SDK1: variants seen among roughly 807,000 people sequenced by gnomAD.
The protein encoded by SDK1 is protein sidekick-1.
A neutral mutation model predicts 245.5 loss-of-function variants in SDK1; 157 were observed. The ratio of observed to expected loss-of-function variants is 0.64; its 90% CI spans 0.56 to 0.73. The LOEUF is 0.73. Ranked by LOEUF, SDK1 falls within the 30% of genes least tolerant of loss-of-function variation. The probability of loss-of-function intolerance (pLI) is 0.00; values close to 1 mark genes in which losing one functional copy is unlikely to be tolerated. For synonymous variants in SDK1, 1,647 were observed against 1,278.5 expected, an observed-to-expected ratio of 1.29 and a Z score of -6.15; for missense variants, 3,583 against 3,002.3, an observed-to-expected ratio of 1.19 and a Z score of -4.52.
At position 4,149,473 on chromosome 7, in the gene SDK1, G is replaced by C; in HGVS notation, c.4625+10G>C. On this transcript the variant is annotated intron_variant, in intron 30 of 44. Transcript: ENST00000404826. The stretch of plus-strand genomic sequence containing the variant: ...CATGCGTCGTTGACAGGTACTGAGA[G>C]AGCAGGAGCACCTCCCCGGGGAACG... The C allele has an allele frequency of 6.9e-7, 1 of 1,452,184 alleles. No individual in the cohort carries two copies. The highest frequency in any genetic ancestry group is 9.1e-7 in the Non-Finnish European group (1 of 1,097,992). The allele number at this position is 1,452,184 out of a possible 1,614,324, so 90.0% of individuals were successfully genotyped here. A position where few individuals can be genotyped will look rare whatever the true frequency, so the allele number is the denominator to read the frequency against.
At chr7:4,192,392 C>T (rs997473574) in intron 35 of SDK1, among the ~76,000 whole-genome samples, 5 of 152,218 alleles carry the variant, frequency 3.3e-5, no homozygotes, top group Non-Finnish European at 7.3e-5. Context: ...TCTCCTGCCT[C>T]AGCCTCCCAA....
chr7:4,050,113 A>G (rs183363877), intron 18 of SDK1, among the ~76,000 whole-genome samples: 89 of 152,328 alleles, frequency 5.8e-4, no homozygotes, highest in African/African-American at 2.1e-3. Context: ...GATTTTAGCT[A>G]CAATAGGTCC....
chr7:3,706,562 C>T lies in SDK1; in HGVS notation c.713+64457C>T, dbSNP rs142190392. ...GACTACAGGTGCCCGCCACCACACC[C>T]GGCTAATTTTTTTGTATTTTTAGTA... On this transcript the variant is annotated intron_variant, in intron 4 of 44. Coordinates refer to ENST00000404826, the MANE Select transcript of SDK1 (RefSeq NM_152744.4). Among the ~76,000 whole-genome samples, 717 of 152,228 alleles carry T rather than the reference C, an allele frequency of 4.7e-3. 6 individuals are homozygous for T. The highest frequency in any genetic ancestry group is 0.014 in the South Asian group (70 of 4,830).
At chr7:4,210,587 A>G (rs553253312) in intron 38 of SDK1, among the ~76,000 whole-genome samples, 1 of 152,170 alleles carries the variant, frequency 6.6e-6, no homozygotes, top group East Asian at 1.9e-4. Context: ...TCAGCATCCT[A>G]GGAGGGATGC....
intron 4 of SDK1, among the ~76,000 whole-genome samples, chr7:3,716,191 A>G (rs1785197739): frequency 2.6e-5 from 4 of 151,900 alleles, no homozygotes; most frequent in Non-Finnish European, 5.9e-5. Flanking sequence ...TTGGAGTTCT[A>G]GTAGGAGATG....
chr7:3,780,850 C>G (rs999155167), intron 4 of SDK1, among the ~76,000 whole-genome samples: 1 of 152,202 alleles, frequency 6.6e-6, no homozygotes, highest in East Asian at 1.9e-4. Flanking sequence ...AATGACCCCA[C>G]CCTAGCCAGG....
At chr7:3,507,976 C>T (rs1469996109) in intron 1 of SDK1, among the ~76,000 whole-genome samples, 1 of 152,186 alleles carries the variant, frequency 6.6e-6, no homozygotes, top group African/African-American at 2.4e-5. Flanking sequence ...ACACTGCTGA[C>T]TGTCCTGGAA....
At position 4,118,895 on chromosome 7, in the gene SDK1, G is replaced by A. The variant is rs190246461; in HGVS notation, c.3823+4621G>A. The stretch of plus-strand genomic sequence containing the variant: ...ATAGGCAAATCTAGAGAGGCAGAAA[G>A]TAAATTCATGGTTTCCTAGACTAAG... On this transcript the variant is annotated intron_variant, in intron 25 of 44. Coordinates refer to ENST00000404826, the MANE Select transcript of SDK1 (RefSeq NM_152744.4). Among the ~76,000 whole-genome samples the A allele has an allele frequency of 4.6e-4, 69 of 148,728 alleles. 6 individuals carry two copies. Among genetic ancestry groups the A allele is most frequent in the Non-Finnish European group, 8.9e-4 (59 of 66,636 alleles).
At chr7:4,236,824 G>T (rs2128236893) in intron 41 of SDK1, among the ~76,000 whole-genome samples, 1 of 152,204 alleles carries the variant, frequency 6.6e-6, no homozygotes, top group Non-Finnish European at 1.5e-5. Context: ...CTGTTTTGGG[G>T]GGTGTCCCAG....
rs559532994 is a variant in SDK1, at chr7:3,824,291, A to T, written c.847+2708A>T. Among the ~76,000 whole-genome samples, 11 of 152,336 alleles carry T rather than the reference A, an allele frequency of 7.2e-5. No homozygotes were observed. The South Asian group carries it at 2.1e-3, about 29-fold the overall frequency. On this transcript the variant is annotated intron_variant, in intron 5 of 44. Coordinates refer to ENST00000404826, the MANE Select transcript of SDK1 (RefSeq NM_152744.4). ...GGCTTTTGTGGAAACACCACACAAG[A>T]TTGAGGAAAATTTGTAAAAACTTTC...
intron 1 of SDK1, among the ~76,000 whole-genome samples, chr7:3,374,246 A>G (rs1781298791): frequency 6.6e-6 from 1 of 151,938 alleles, no homozygotes; most frequent in South Asian, 2.1e-4. Context: ...GAGCAATACC[A>G]CCCCACTTAA....
intron 4 of SDK1, among the ~76,000 whole-genome samples, chr7:3,709,938 C>T (rs550206764): frequency 6.6e-6 from 1 of 152,192 alleles, no homozygotes; most frequent in African/African-American, 2.4e-5. Context: ...AAGCACGTGC[C>T]AGGTGCCCCG....
intron 11 of SDK1, among the ~76,000 whole-genome samples, chr7:3,970,243 A>G (rs1327142658): frequency 1.3e-5 from 2 of 152,210 alleles, no homozygotes; most frequent in East Asian, 3.8e-4. Flanking sequence ...TTGAAACGTT[A>G]TTCTTCCAGA....
At chr7:4,253,836 A>G (rs2128241513) in intron 44 of SDK1, among the ~76,000 whole-genome samples, 1 of 152,282 alleles carries the variant, frequency 6.6e-6, no homozygotes, top group South Asian at 2.1e-4. Context: ...TCTTCTTGAT[A>G]TATTTACCAT....
At chr7:3,950,062 A>G (rs965437906) in intron 5 of SDK1, among the ~76,000 whole-genome samples, 1 of 152,272 alleles carries the variant, frequency 6.6e-6, no homozygotes. Flanking sequence ...TAAATCAATA[A>G]AAGAAAAATA....
intron 5 of SDK1, among the ~76,000 whole-genome samples, chr7:3,940,985 T>A (rs905737398): frequency 4.0e-5 from 6 of 151,738 alleles, no homozygotes; most frequent in Non-Finnish European, 7.4e-5. Context: ...CGCAGGCACG[T>A]CTTAGGAAGC....
chr7:3,987,900 C>T (rs529351456), intron 14 of SDK1, among the ~76,000 whole-genome samples: 2 of 152,218 alleles, frequency 1.3e-5, no homozygotes, highest in African/African-American at 2.4e-5. Flanking sequence ...GTGACGTGTG[C>T]CCCGCCGTGT....
At chr7:3,941,244 C>G (rs1780357574) in intron 5 of SDK1, among the ~76,000 whole-genome samples, 1 of 152,104 alleles carries the variant, frequency 6.6e-6, no homozygotes, top group African/African-American at 2.4e-5. Flanking sequence ...CACCCTTGAC[C>G]CATTGGACTT....
intron 4 of SDK1, among the ~76,000 whole-genome samples, chr7:3,729,049 G>T (rs1226891261): frequency 7.2e-5 from 11 of 152,194 alleles, no homozygotes; most frequent in Non-Finnish European, 1.3e-4. Flanking sequence ...GGTGCTGATT[G>T]TGTGAAATCC....
Sources: allele counts gnomAD v4.1 joint callset (sites outside exome capture counted in the v4.1 genomes callset), GRCh38; gene constraint gnomAD v4.1.1; transcripts MANE v1.5; gene names NCBI Gene and HGNC (gene_info 2026-07-23, HGNC 2026-07-21).